Variants in MRC1 observed in about 807,000 individuals in gnomAD.
MRC1 encodes macrophage mannose receptor 1.
In MRC1, 62 loss-of-function variants were observed where a neutral mutation model predicts 102.9. The ratio of observed to expected loss-of-function variants is 0.60; its 90% CI spans 0.49 to 0.74. The LOEUF is 0.74. MRC1 is among the 30% of genes least tolerant of loss of function. The pLI, the probability that MRC1 is intolerant of heterozygous loss-of-function variation, is 0.00. For missense variants in MRC1, 1,237 were observed against 862.8 expected, an observed-to-expected ratio of 1.43 and a Z score of -5.43; for synonymous variants, 457 against 298.4, an observed-to-expected ratio of 1.53 and a Z score of -5.48.
At chr10:17,835,440 C>T (rs922050306) in intron 4 of MRC1, among the ~76,000 whole-genome samples, 3 of 152,044 alleles carry the variant, frequency 2.0e-5, no homozygotes, top group Admixed American at 2.0e-4. Flanking sequence ...CTTAAAAGTC[C>T]AATGGGAAGA....
chr10:17,828,411 G>C (rs1484472363), intron 3 of MRC1, among the ~76,000 whole-genome samples: 3 of 151,396 alleles, frequency 2.0e-5, no homozygotes, highest in Non-Finnish European at 2.9e-5. Context: ...CAGTTACTCA[G>C]CGAAAATTAT....
At chr10:17,815,147 T>C (rs1268423032) in intron 1 of MRC1, among the ~76,000 whole-genome samples, 2 of 152,190 alleles carry the variant, frequency 1.3e-5, no homozygotes, top group African/African-American at 4.8e-5. Context: ...TCTCATTTCA[T>C]TCTCACGACA....
rs997268275 is a variant in MRC1 at position 17,866,575 on chromosome 10, G to A, written c.1797G>A (p.Gly599=). 2.6e-6 allele frequency: 2 copies of A among 780,744 alleles called. No individual in the cohort carries two copies. Among genetic ancestry groups the A allele is most frequent in the South Asian group, 2.7e-5 (2 of 74,620 alleles). The allele number at this position is 780,744 out of a possible 1,614,324, so 48.4% of individuals were successfully genotyped here. The change falls in exon 12 of 30, where the codon GGG becomes GGA. Residue 599 remains glycine, a synonymous_variant. Coordinates refer to ENST00000569591, the MANE Select transcript of MRC1 (RefSeq NM_002438.4). ...TATTTAATGCAGGGCGAAAGCCAGG[G>A]TGTGTTGCCATGAGAACCGGGATTG... is the stretch of plus-strand genomic sequence containing the variant. The part of the protein sequence containing the change: ...WNSDMPGRKP[G]CVAMRTGIAG...
Position 17,823,121 on chromosome 10 carries a change from G to T in MRC1, c.109G>T (p.Asp37Tyr). The stretch of plus-strand genomic sequence containing the variant: ...TAATGAAGATCACAAGCGCTGCGTG[G>T]ATGCAGTGAGTCCCAGTGCCGTCCA... The part of the protein sequence containing the change: ...IYNEDHKRCV[D>Y]AVSPSAVQTA... Residue 37 changes from aspartate (D) to tyrosine (Y), a missense_variant, in exon 2 of 30, where the codon GAT becomes TAT. Coordinates refer to ENST00000569591, the MANE Select transcript of MRC1 (RefSeq NM_002438.4). 2.6e-6 allele frequency: 2 copies of T among 780,854 alleles called. No homozygotes were observed. Among genetic ancestry groups the T allele is most frequent in the Non-Finnish European group, 4.8e-6 (2 of 417,956 alleles). The allele number at this position is 780,854 out of a possible 1,614,324, so 48.4% of individuals were successfully genotyped here. A position where few individuals can be genotyped will look rare whatever the true frequency, so the allele number is the denominator to read the frequency against.
At chr10:17,844,979 C>T (rs1838803753) in intron 5 of MRC1, 5 of 560,784 alleles carry the variant, frequency 8.9e-6, no homozygotes, top group East Asian at 3.8e-5. Context: ...TAATGTAATC[C>T]GTTGTGACAA....
intron 24 of MRC1, among the ~76,000 whole-genome samples, chr10:17,899,651 T>C (rs1833801982): frequency 6.6e-6 from 1 of 152,184 alleles, no homozygotes; most frequent in African/African-American, 2.4e-5. Flanking sequence ...AAAATTCAGC[T>C]ACCTCTGATT....
intron 1 of MRC1, among the ~76,000 whole-genome samples, chr10:17,811,801 G>C (rs1019487714): frequency 6.6e-6 from 1 of 151,758 alleles, no homozygotes; most frequent in Non-Finnish European, 1.5e-5. Context: ...TGCTCAGGCC[G>C]ATCTCAAACT....
chr10:17,845,162 T>C (rs548691953), intron 5 of MRC1, 127 bp from the exon 6 acceptor site: 2 of 779,598 alleles, frequency 2.6e-6, no homozygotes, highest in East Asian at 2.4e-5. Context: ...TTTTTGTGAA[T>C]GTGTAGCAAA....
chr10:17,840,565 G>A, intron 4 of MRC1, 128 bp from the exon 5 acceptor site: 1 of 701,258 alleles, frequency 1.4e-6, no homozygotes, highest in Non-Finnish European at 2.6e-6. Context: ...AAGGAGACAT[G>A]GTAGGCATGA....
At chr10:17,865,480 C>G (rs887769393) in intron 11 of MRC1, 7 of 152,242 alleles carry the variant, frequency 4.6e-5, no homozygotes, top group Non-Finnish European at 1.0e-4. Context: ...GGAGTTAACC[C>G]TGGAATGTCC....
chr10:17,854,104 C>T (rs1833040969), intron 8 of MRC1, among the ~76,000 whole-genome samples: 1 of 152,126 alleles, frequency 6.6e-6, no homozygotes, highest in African/African-American at 2.4e-5. Context: ...GTGCGTGCCA[C>T]CACGCCTGGC....
At chr10:17,888,391 G>T (rs1245756846) in intron 22 of MRC1, among the ~76,000 whole-genome samples, 7 of 152,298 alleles carry the variant, frequency 4.6e-5, no homozygotes, top group African/African-American at 1.7e-4. Context: ...TGTGGCAGGA[G>T]TGTAGGCTGT....
chr10:17,848,449 T>C (rs1378901849), intron 6 of MRC1, among the ~76,000 whole-genome samples: 1 of 152,178 alleles, frequency 6.6e-6, no homozygotes, highest in Non-Finnish European at 1.5e-5. Flanking sequence ...AATGTCTTTA[T>C]TGTCACTTTC....
intron 3 of MRC1, among the ~76,000 whole-genome samples, chr10:17,828,248 T>G (rs1390031490): frequency 2.0e-5 from 3 of 151,594 alleles, no homozygotes; most frequent in African/African-American, 4.9e-5. Flanking sequence ...GGCTAATTTT[T>G]TGTATTTTTA....
intron 2 of MRC1, among the ~76,000 whole-genome samples, chr10:17,824,040 G>A (rs1264784694): frequency 1.3e-5 from 2 of 152,180 alleles, no homozygotes; most frequent in Non-Finnish European, 2.9e-5. Flanking sequence ...GGATTAGCTT[G>A]TAAATTAATA....
intron 10 of MRC1, among the ~76,000 whole-genome samples, chr10:17,861,892 A>G (rs1297516355): frequency 1.3e-5 from 2 of 152,228 alleles, no homozygotes; most frequent in African/African-American, 2.4e-5. Flanking sequence ...AGTTTACTGA[A>G]TAATTCATTC....
chr10:17,834,671 C>A (rs1475331282), intron 4 of MRC1, among the ~76,000 whole-genome samples: 1 of 152,194 alleles, frequency 6.6e-6, no homozygotes, highest in African/African-American at 2.4e-5. Flanking sequence ...GCCTTGGCCT[C>A]CCAAAGTGCT....
chr10:17,816,112 T>A lies in MRC1; in HGVS notation c.61+6586T>A, dbSNP rs544611918. The stretch of plus-strand genomic sequence containing the variant: ...CAACATTTCTAAGCCTAAGACTGAC[T>A]AACACCCTCCATCAGCCCCCAGCAC... On this transcript the variant is annotated intron_variant, in intron 1 of 29. Transcript: ENST00000569591. Among the ~76,000 whole-genome samples the A allele has an allele frequency of 1.2e-3, 188 of 152,282 alleles. 1 individual carries two copies. Among genetic ancestry groups the A allele is most frequent in the African/African-American group, 4.5e-3 (185 of 41,566 alleles).
chr10:17,810,086 T>C (rs1358911696), intron 1 of MRC1, among the ~76,000 whole-genome samples: 2 of 152,160 alleles, frequency 1.3e-5, no homozygotes, highest in African/African-American at 4.8e-5. Context: ...TCCTTATCTG[T>C]ATTCTAGACT....
Sources: allele counts gnomAD v4.1 joint callset (sites outside exome capture counted in the v4.1 genomes callset), GRCh38; gene constraint gnomAD v4.1.1; transcripts MANE v1.5; gene names NCBI Gene and HGNC (gene_info 2026-07-23, HGNC 2026-07-21).